ZNRF1: variants seen among roughly 807,000 people sequenced by gnomAD.
ZNRF1 encodes E3 ubiquitin-protein ligase ZNRF1.
Under a neutral mutation model 18.4 loss-of-function variants are expected in ZNRF1, and 3 were observed. That is an observed-to-expected ratio of 0.16 (90% CI 0.07 to 0.42). The LOEUF is 0.42. Ranked by LOEUF, ZNRF1 falls within the 10% of genes least tolerant of loss-of-function variation. ZNRF1 has a pLI of 0.99. For synonymous variants in ZNRF1, 157 were observed against 144.2 expected, an observed-to-expected ratio of 1.09 and a Z score of -0.64; for missense variants, 310 against 329.8, an observed-to-expected ratio of 0.94 and a Z score of 0.47.
intron 1 of ZNRF1, among the ~76,000 whole-genome samples, chr16:75,061,158 C>T (rs558555407): frequency 7.2e-5 from 11 of 152,108 alleles, no homozygotes; most frequent in East Asian, 3.9e-4. Context: ...GAGTTACACA[C>T]GAAACAATTA....
chr16:75,083,347 T>C (rs4307975), intron 1 of ZNRF1, among the ~76,000 whole-genome samples: 113,507 of 152,136 alleles, frequency 0.75, 44,359 homozygotes, highest in Non-Finnish European at 0.87. Context: ...TACTAAGTAG[T>C]TGGTACAAGG....
chr16:75,102,856 TC>T (rs1477984873), intron 2 of ZNRF1, among the ~76,000 whole-genome samples: 3 of 152,198 alleles, frequency 2.0e-5, no homozygotes, highest in Non-Finnish European at 4.4e-5. Flanking sequence ...CTGCTGTGTG[TC>T]CCGCTGCCCT....
At chr16:75,024,720 G>A (rs1440302492) in intron 1 of ZNRF1, among the ~76,000 whole-genome samples, 1 of 152,200 alleles carries the variant, frequency 6.6e-6, no homozygotes, top group Non-Finnish European at 1.5e-5. Context: ...CACATGCTGT[G>A]CAGAAGCAGA....
Position 75,060,294 on chromosome 16 carries a change from C to T in ZNRF1, c.425-33278C>T, listed in dbSNP as rs558461794. 4.6e-5 allele frequency among the ~76,000 whole-genome samples: 7 copies of T among 152,034 alleles called. No individual in the cohort carries two copies. The South Asian group carries it at 1.2e-3, about 27-fold the overall frequency. On this transcript the variant is annotated intron_variant, in intron 1 of 4. Transcript: ENST00000335325. ...GTCTCAAACTCCTGACGTTGTGATC[C>T]GCCCATCTTGCCTCCCAAAGTGCTG... is the stretch of plus-strand genomic sequence containing the variant.
At chr16:75,010,724 T>G (rs1438724573) in intron 1 of ZNRF1, among the ~76,000 whole-genome samples, 1 of 142,554 alleles carries the variant, frequency 7.0e-6, no homozygotes, top group African/African-American at 2.7e-5. Context: ...TTTTTGTTTT[T>G]TTTTTTTTGA....
chr16:75,025,217 G>A (rs1355248945), intron 1 of ZNRF1, among the ~76,000 whole-genome samples: 14 of 151,954 alleles, frequency 9.2e-5, no homozygotes, highest in Non-Finnish European at 1.8e-4. Flanking sequence ...ACAGGCGCCC[G>A]CCACCACACC....
intron 1 of ZNRF1, among the ~76,000 whole-genome samples, chr16:75,006,016 C>G (rs995477591): frequency 6.6e-6 from 1 of 152,064 alleles, no homozygotes; most frequent in African/African-American, 2.4e-5. Context: ...ACACTGTTGG[C>G]AATTGTAATA....
chr16:75,006,975 A>G (rs904783312), intron 1 of ZNRF1, among the ~76,000 whole-genome samples: 1 of 151,592 alleles, frequency 6.6e-6, no homozygotes, highest in African/African-American at 2.4e-5. Flanking sequence ...TGCTGTATGG[A>G]TGAAGGATGA....
chr16:74,999,937 G>A lies in ZNRF1; in HGVS notation c.266G>A (p.Gly89Glu). Residue 89 changes from glycine (G) to glutamate (E), a missense_variant, in exon 1 of 5, where the codon GGA becomes GAA. Gly to Glu is a moderately conservative substitution (Grantham distance 98). This residue lies in a region of ZNRF1 where 293 missense variants were observed against 291.2 expected (regional missense o/e 1.01). Transcript: ENST00000335325. ...TGDSERAPGG[G>E]GSASDSTYAH... ...GACTCCGAGAGGGCGCCCGGCGGCG[G>A]AGGGTCTGCGTCCGACTCCACCTAT... 1 of 1,566,950 alleles carries A rather than the reference G, an allele frequency of 6.4e-7. No homozygotes were observed. The highest frequency in any genetic ancestry group is 1.7e-4 in the Middle Eastern group (1 of 6,010).
chr16:75,047,786 A>G (rs1156709963), intron 1 of ZNRF1, among the ~76,000 whole-genome samples: 1 of 152,142 alleles, frequency 6.6e-6, no homozygotes, highest in Non-Finnish European at 1.5e-5. Context: ...GGTAGCTTAA[A>G]CAACAGAAAT....
intron 1 of ZNRF1, among the ~76,000 whole-genome samples, chr16:75,045,480 T>A (rs1247453544): frequency 6.6e-6 from 1 of 151,570 alleles, no homozygotes; most frequent in East Asian, 1.9e-4. Context: ...GGTGCAATAT[T>A]TTTTTTTAAC....
intron 1 of ZNRF1, among the ~76,000 whole-genome samples, chr16:75,043,797 T>TTTTTTTTTTTTTTC (rs2035480319): frequency 7.3e-6 from 1 of 137,558 alleles, no homozygotes; most frequent in Non-Finnish European, 1.6e-5. Flanking sequence ...GTACTTTTTT[T>TTTTTTTTTTTTTTC]TTTTTTTTTG....
chr16:75,021,318 C>A (rs996910645), intron 1 of ZNRF1, among the ~76,000 whole-genome samples: 12 of 152,194 alleles, frequency 7.9e-5, no homozygotes, highest in African/African-American at 2.9e-4. Context: ...GGATTACAGG[C>A]GTGAGCCAGG....
At position 75,033,791 on chromosome 16, in the gene ZNRF1, A is replaced by G. The variant is rs186017408; in HGVS notation, c.424+33696A>G. On this transcript the variant is annotated intron_variant, in intron 1 of 4. Coordinates refer to ENST00000335325, the MANE Select transcript of ZNRF1 (RefSeq NM_032268.5). Reference sequence around the variant, plus strand: ...ATTTTAAAATATTTACCTCTGAATGATTCTTCTTTGATGTTGTTTAAAGAT... The same window carrying G: ...ATTTTAAAATATTTACCTCTGAATGGTTCTTCTTTGATGTTGTTTAAAGAT... Among the ~76,000 whole-genome samples, 667 of 152,274 alleles carry G rather than the reference A, an allele frequency of 4.4e-3. 4 individuals carry two copies. Among genetic ancestry groups the G allele is most frequent in the Admixed American group, 0.011 (165 of 15,284 alleles).
At chr16:75,063,884 C>T (rs1461295054) in intron 1 of ZNRF1, among the ~76,000 whole-genome samples, 1 of 152,200 alleles carries the variant, frequency 6.6e-6, no homozygotes, top group Non-Finnish European at 1.5e-5. Context: ...CTGTGTGTAT[C>T]TGCCCCCCTC....
At chr16:75,009,830 A>T (rs2034970863) in intron 1 of ZNRF1, among the ~76,000 whole-genome samples, 1 of 151,676 alleles carries the variant, frequency 6.6e-6, no homozygotes, top group African/African-American at 2.4e-5. Context: ...AATAGTAGCC[A>T]TCTTAATGGA....
intron 1 of ZNRF1, among the ~76,000 whole-genome samples, chr16:75,041,653 T>C (rs1251143490): frequency 6.6e-6 from 1 of 152,118 alleles, no homozygotes; most frequent in Non-Finnish European, 1.5e-5. Context: ...TAATTTGTAT[T>C]TCGTTAGCTA....
intron 1 of ZNRF1, among the ~76,000 whole-genome samples, chr16:75,012,568 G>A (rs756421890): frequency 8.5e-5 from 13 of 152,174 alleles, no homozygotes; most frequent in Non-Finnish European, 1.8e-4. Flanking sequence ...CAGAGGAGAC[G>A]CCACCCAGTC....
chr16:75,072,813 G>A (rs1434357505), intron 1 of ZNRF1, among the ~76,000 whole-genome samples: 1 of 152,108 alleles, frequency 6.6e-6, no homozygotes, highest in Non-Finnish European at 1.5e-5. Flanking sequence ...GGAAGCAGGT[G>A]GCCCTGTGAC....
Sources: allele counts gnomAD v4.1 joint callset (sites outside exome capture counted in the v4.1 genomes callset), GRCh38; gene constraint gnomAD v4.1.1; regional missense constraint gnomAD v4.1.1; transcripts MANE v1.5; gene names NCBI Gene and HGNC (gene_info 2026-07-23, HGNC 2026-07-21).